SLC26A8: variants seen among roughly 807,000 people sequenced by gnomAD.
The protein encoded by SLC26A8 is solute carrier family 26 member 8.
SLC26A8 carries 70 observed loss-of-function variants against 105.0 expected under a neutral mutation model. The ratio of observed to expected loss-of-function variants is 0.67; its 90% confidence interval spans 0.55 to 0.81. The LOEUF is 0.81. Ranked by LOEUF, SLC26A8 falls within the 40% of genes least tolerant of loss-of-function variation. The pLI, the probability that SLC26A8 is intolerant of heterozygous loss-of-function variation, is 0.00. For missense variants in SLC26A8, 998 were observed against 1,181.8 expected (o/e 0.84, Z 2.28); for synonymous variants, 415 against 438.3 (o/e 0.95, Z 0.66).
chr6:36,019,836 A>G (rs1457983945), intron 1 of SLC26A8, 127 bp from the exon 2 acceptor site: 1 of 883,318 alleles, frequency 1.1e-6, no homozygotes, highest in African/African-American at 1.7e-5. Flanking sequence ...TCAGTTGTAA[A>G]AAACTCTTTC....
intron 3 of SLC26A8, among the ~76,000 whole-genome samples, chr6:36,011,142 T>C (rs775355465): frequency 6.6e-6 from 1 of 152,166 alleles, no homozygotes; most frequent in Non-Finnish European, 1.5e-5. Flanking sequence ...GAGTAAAGGA[T>C]TTATAAAACC....
intron 7 of SLC26A8, chr6:35,989,922 C>CTTTTT (rs1562051141): frequency 2.6e-5 from 1 of 37,764 alleles, no homozygotes; most frequent in Non-Finnish European, 5.6e-5. Context: ...TGTTTGTTTT[C>CTTTTT]TTTTCTTTTT....
At chr6:35,952,248 C>T (rs1193277191) in intron 17 of SLC26A8, among the ~76,000 whole-genome samples, 1 of 152,086 alleles carries the variant, frequency 6.6e-6, no homozygotes, top group Admixed American at 6.6e-5. Context: ...GTTTACTGAG[C>T]AGAGGAAGCA....
At chr6:36,011,086 GA>G (rs1761844405) in intron 3 of SLC26A8, among the ~76,000 whole-genome samples, 1 of 152,142 alleles carries the variant, frequency 6.6e-6, no homozygotes, top group Admixed American at 6.6e-5. Context: ...GAAAAATAGA[GA>G]AATGGAGGTA....
At chr6:35,970,165 G>A (rs1772731761) in intron 10 of SLC26A8, among the ~76,000 whole-genome samples, 1 of 152,062 alleles carries the variant, frequency 6.6e-6, no homozygotes, top group African/African-American at 2.4e-5. Context: ...AACTGAGGGG[G>A]TCTCTCGATT....
Position 35,997,722 on chromosome 6 carries a change from A to C in SLC26A8, c.627+16T>G. ...TATTCAGTTCCTTTTCAGGGATTTG[A>C]AGACTCAGATCCTACCTGAATAATC... On this transcript the variant is annotated intron_variant, in intron 5 of 19. Coordinates refer to ENST00000490799, the MANE Select transcript of SLC26A8 (RefSeq NM_052961.4). The C allele has an allele frequency of 6.2e-7, 1 of 1,611,576 alleles. No homozygotes were observed. The highest frequency in any genetic ancestry group is 8.5e-7 in the Non-Finnish European group (1 of 1,178,464).
chr6:35,988,055 C>T lies in SLC26A8; in HGVS notation c.942+3604G>A, dbSNP rs533679045. On this transcript the variant is annotated intron_variant, in intron 7 of 19. Coordinates refer to ENST00000490799, the MANE Select transcript of SLC26A8 (RefSeq NM_052961.4). ...CCTCTGGAGTAGCTGGGATTACAGG[C>T]ACACGCCACCATGCCCGGCTAATTT... Among the ~76,000 whole-genome samples, 12 of 151,826 alleles carry T rather than the reference C, an allele frequency of 7.9e-5. No individual in the cohort carries two copies. The East Asian group carries it at 1.9e-3, about 25-fold the overall frequency.
intron 7 of SLC26A8, chr6:35,989,511 G>A (rs1773667069): frequency 1.3e-5 from 2 of 152,122 alleles, no homozygotes; most frequent in African/African-American, 4.8e-5. Context: ...TACCTTTTGT[G>A]TCTAGTATCT....
At chr6:35,989,358 T>C (rs1773660666) in intron 7 of SLC26A8, among the ~76,000 whole-genome samples, 1 of 152,218 alleles carries the variant, frequency 6.6e-6, no homozygotes, top group Admixed American at 6.5e-5. Flanking sequence ...TGTAGCCTTT[T>C]GTGTCTTTTT....
In SLC26A8 at chr6:36,017,041, G is replaced by A. The variant is rs145570273; in HGVS notation, c.188+2479C>T. Among the ~76,000 whole-genome samples the A allele has an allele frequency of 3.8e-3, 578 of 151,788 alleles. 6 individuals are homozygous for A. Among genetic ancestry groups the A allele is most frequent in the African/African-American group, 0.013 (555 of 41,364 alleles). ...GCAAAAATTAGCTGGGTGTGGTGGC[G>A]CACACCTGTAATCCCAGATACTCGG... On this transcript the variant is annotated intron_variant, in intron 2 of 19. Coordinates refer to ENST00000490799, the MANE Select transcript of SLC26A8 (RefSeq NM_052961.4).
At chr6:36,016,549 C>T (rs911781550) in intron 2 of SLC26A8, among the ~76,000 whole-genome samples, 1 of 152,190 alleles carries the variant, frequency 6.6e-6, no homozygotes, top group African/African-American at 2.4e-5. Flanking sequence ...TTCATCACTA[C>T]TTTGAAATTA....
intron 7 of SLC26A8, among the ~76,000 whole-genome samples, chr6:35,990,839 C>CT (rs1252265767): frequency 6.6e-6 from 1 of 152,016 alleles, no homozygotes; most frequent in African/African-American, 2.4e-5. Context: ...TCCTCAACCA[C>CT]TTTTTTAAAC....
intron 16 of SLC26A8, among the ~76,000 whole-genome samples, chr6:35,956,043 C>A (rs1461532254): frequency 6.6e-6 from 1 of 152,080 alleles, no homozygotes; most frequent in Non-Finnish European, 1.5e-5. Context: ...CAGTTTGAAA[C>A]CAGCCTGGGC....
intron 17 of SLC26A8, 61 bp downstream of exon 17, chr6:35,955,091 G>A (rs779474391): frequency 7.5e-6 from 12 of 1,602,224 alleles, no homozygotes; most frequent in Non-Finnish European, 9.4e-6. Context: ...TCAGGATCAG[G>A]GTGGGGTTGG....
chr6:36,012,940 T>C (rs1285704939), intron 2 of SLC26A8, among the ~76,000 whole-genome samples: 2 of 152,208 alleles, frequency 1.3e-5, no homozygotes, highest in African/African-American at 4.8e-5. Flanking sequence ...GTGCATAAAG[T>C]GTGTTCTTTC....
chr6:35,982,040 A>C, intron 8 of SLC26A8, 81 bp downstream of exon 8: 1 of 1,430,654 alleles, frequency 7.0e-7, no homozygotes, highest in Non-Finnish European at 9.8e-7. Flanking sequence ...CTAGTAGAAA[A>C]TATCAATCAG....
Position 36,012,357 on chromosome 6 carries a change from C to T in SLC26A8, c.204G>A (p.Arg68=). 1 of 1,589,910 alleles carries T rather than the reference C, an allele frequency of 6.3e-7. No individual in the cohort carries two copies. Among genetic ancestry groups the T allele is most frequent in the Non-Finnish European group, 8.5e-7 (1 of 1,171,886 alleles). ...HHVQCRCSWH[R]FLRCVLTIFP... is the part of the protein sequence containing the mutation. ...AGATTGTAAGCACGCATCGTAGGAA[C>T]CTGTGCCATGAGCAGCTGTGAGAGA... The change falls in exon 3 of 20, where the codon AGG becomes AGA. Residue 68 remains arginine (R), a synonymous_variant. Transcript: ENST00000490799.
intron 12 of SLC26A8, among the ~76,000 whole-genome samples, 183 bp from the exon 13 acceptor site, chr6:35,961,282 A>G (rs558457831): frequency 6.6e-6 from 1 of 152,282 alleles, no homozygotes; most frequent in South Asian, 2.1e-4. Context: ...GATGCCTAGC[A>G]ATTCTTTTAT....
In SLC26A8 at chr6:35,978,461, G is replaced by GA. The variant is rs996908884; in HGVS notation, c.1026-1111dup. 6.0e-5 allele frequency among the ~76,000 whole-genome samples: 9 copies of GA among 150,926 alleles called. No homozygotes were observed. The East Asian group carries it at 7.8e-4, about 13-fold the overall frequency. ...TTTCTCTAGATTACTTTCTAAGTCA[G>GA]AAAAAAAAATCTAAGTGTTTTAGAT... is the stretch of plus-strand genomic sequence containing the variant. On this transcript the variant is annotated intron_variant, in intron 8 of 19. Coordinates refer to ENST00000490799, the MANE Select transcript of SLC26A8 (RefSeq NM_052961.4).
Sources: gnomAD v4.1 joint callset for allele counts (sites outside exome capture counted in the v4.1 genomes callset) on GRCh38, gnomAD v4.1.1 for gene constraint, MANE v1.5 for transcripts, NCBI Gene and HGNC (gene_info 2026-07-23, HGNC 2026-07-21) for gene names.